Variants in LRRC37A2 observed in about 807,000 individuals in gnomAD.
LRRC37A2 encodes leucine rich repeat containing 37 member A2.
In LRRC37A2, 9 loss-of-function variants were observed where a neutral mutation model predicts 68.8. That is an observed-to-expected ratio of 0.13 (90% CI 0.08 to 0.23). The LOEUF (loss-of-function observed/expected upper bound fraction) is 0.23, where lower values mean the gene tolerates loss of function less well. Among genes scored for constraint, LRRC37A2 ranks in the 10% least tolerant of loss-of-function variants. The pLI is 1.00. For synonymous variants in LRRC37A2, 63 were observed against 367.6 expected (o/e 0.17, Z 9.48); for missense variants, 168 against 950.4 (o/e 0.18, Z 10.82).
At chr17:46,767,594 A>G in the LRRC37A2 span, among the ~76,000 whole-genome samples, 1 of 152,206 alleles carries the variant, frequency 6.6e-6, no homozygotes, top group African/African-American at 2.4e-5. Context: ...GTGAAAGAAC[A>G]GGAAGTTACT....
At chr17:47,041,928 C>T in the LRRC37A2 span, 4 of 100,502 alleles carry the variant, frequency 4.0e-5, no homozygotes, top group East Asian at 3.4e-4. Flanking sequence ...ATTGGGTGTC[C>T]GCACTAAGTT....
the LRRC37A2 span, among the ~76,000 whole-genome samples, chr17:46,774,489 G>A: frequency 1.3e-5 from 2 of 152,222 alleles, no homozygotes; most frequent in Non-Finnish European, 2.9e-5. Flanking sequence ...GTCTACCAGG[G>A]CCTCCATGAC....
At chr17:46,808,550 C>A in the LRRC37A2 span, among the ~76,000 whole-genome samples, 1 of 152,328 alleles carries the variant, frequency 6.6e-6, no homozygotes. Context: ...ATGCCATGCC[C>A]AGGCTGCACT....
the LRRC37A2 span, among the ~76,000 whole-genome samples, chr17:47,025,856 C>T: frequency 1.7e-5 from 2 of 117,008 alleles, no homozygotes; most frequent in African/African-American, 3.3e-5. Context: ...AATAAAACTA[C>T]GTTTCCTTTA....
At chr17:46,830,881 G>T in the LRRC37A2 span, 6 of 397,438 alleles carry the variant, frequency 1.5e-5, no homozygotes, top group Admixed American at 8.8e-5. Flanking sequence ...GTCCTAATAC[G>T]ACTTCAGCAC....
the LRRC37A2 span, among the ~76,000 whole-genome samples, chr17:46,991,395 G>A: frequency 2.0e-5 from 3 of 152,118 alleles, no homozygotes; most frequent in Admixed American, 6.5e-5. Context: ...GGGAGGCCGA[G>A]GTGGGTGGAT....
chr17:46,918,185 T>C, the LRRC37A2 span, among the ~76,000 whole-genome samples: 2 of 152,198 alleles, frequency 1.3e-5, no homozygotes, highest in Non-Finnish European at 2.9e-5. Flanking sequence ...GTTCAAGCAA[T>C]TCTCCTGCCT....
the LRRC37A2 span, among the ~76,000 whole-genome samples, chr17:46,948,004 A>G: frequency 0.03 from 4,644 of 152,272 alleles, 129 homozygotes; most frequent in African/African-American, 0.074. Context: ...TCCTGACCTC[A>G]GGTGATCCAC....
the LRRC37A2 span, among the ~76,000 whole-genome samples, chr17:46,797,626 C>T: frequency 6.6e-6 from 1 of 152,204 alleles, no homozygotes; most frequent in Non-Finnish European, 1.5e-5. Context: ...ATCCTGCAAC[C>T]CAAAGTTCCA....
chr17:46,833,100 G>C, the LRRC37A2 span: 4 of 356,202 alleles, frequency 1.1e-5, no homozygotes, highest in Non-Finnish European at 1.7e-5. Context: ...AGAGCAAAAA[G>C]AGGGGGAGGG....
chr17:46,458,311 A>G, the LRRC37A2 span, among the ~76,000 whole-genome samples: 9 of 111,850 alleles, frequency 8.0e-5, no homozygotes, highest in Admixed American at 1.7e-4. Context: ...GTTTCATAAT[A>G]TATGGGTTTG....
the LRRC37A2 span, among the ~76,000 whole-genome samples, chr17:46,744,602 A>G: frequency 3.3e-5 from 5 of 151,314 alleles, no homozygotes; most frequent in African/African-American, 2.4e-5. Context: ...GTATTATATT[A>G]GTGGCATTTT....
the LRRC37A2 span, among the ~76,000 whole-genome samples, chr17:46,989,655 G>C: frequency 6.6e-6 from 1 of 152,248 alleles, no homozygotes; most frequent in Non-Finnish European, 1.5e-5. Context: ...TGCTGGGCTT[G>C]GCTATGTGAT....
the LRRC37A2 span, chr17:46,922,664 TG>T: frequency 6.4e-6 from 1 of 156,034 alleles, no homozygotes. Context: ...GTAGGTTTAC[TG>T]GATGGATAAA....
At chr17:46,635,818 T>TGTGTGTGTGTGTGTGTGTGTGC in the LRRC37A2 span, among the ~76,000 whole-genome samples, 4 of 138,458 alleles carry the variant, frequency 2.9e-5, no homozygotes, top group African/African-American at 1.1e-4. Flanking sequence ...TGTGTGTGTG[T>TGTGTGTGTGTGTGTGTGTGTGC]GCTCGTGTGT....
At chr17:46,880,499 G>A in the LRRC37A2 span, among the ~76,000 whole-genome samples, 2 of 152,158 alleles carry the variant, frequency 1.3e-5, no homozygotes, top group Non-Finnish European at 1.5e-5. Context: ...TGCCTCATGG[G>A]GCTGACATCC....
At chr17:46,496,557 C>A in the LRRC37A2 span, among the ~76,000 whole-genome samples, 44 of 144,250 alleles carry the variant, frequency 3.1e-4, 1 homozygote, top group African/African-American at 1.1e-3. Flanking sequence ...GAGCCGAGAT[C>A]ACGCCACTGC....
At chr17:46,876,661 C>T in the LRRC37A2 span, 1 of 1,598,652 alleles carries the variant, frequency 6.3e-7, no homozygotes, top group Non-Finnish European at 8.6e-7. Flanking sequence ...AGTGGTGCTG[C>T]TACGTGGAGT....
At chr17:46,758,389 T>TGCCCAAATATTCTTCAAAGCC in the LRRC37A2 span, among the ~76,000 whole-genome samples, 1 of 152,232 alleles carries the variant, frequency 6.6e-6, no homozygotes, top group Non-Finnish European at 1.5e-5. Context: ...TTCTTGAAGC[T>TGCCCAAATATTCTTCAAAGCC]GCCCAAATAT....
Sources: allele counts gnomAD v4.1 joint callset (sites outside exome capture counted in the v4.1 genomes callset), GRCh38; gene constraint gnomAD v4.1.1; transcripts MANE v1.5; gene names NCBI Gene and HGNC (gene_info 2026-07-23, HGNC 2026-07-21).